The following JAZF1 variants were observed in gnomAD, a reference collection of about 807,000 sequenced individuals.
JAZF1 encodes juxtaposed with another zinc finger protein 1.
In JAZF1, 8 loss-of-function variants were observed where a neutral mutation model predicts 26.4. The ratio of observed to expected loss-of-function variants is 0.30; its 90% confidence interval spans 0.18 to 0.55. The LOEUF is 0.55. Among genes scored for constraint, JAZF1 ranks in the 20% least tolerant of loss-of-function variants. The pLI, the probability that JAZF1 is intolerant of heterozygous loss-of-function variation, is 0.94. For synonymous variants in JAZF1, 126 were observed against 122.3 expected (o/e 1.03, Z -0.20); for missense variants, 199 against 322.0 (o/e 0.62, Z 2.92).
At chr7:28,137,044 T>C (rs1782896798) in intron 1 of JAZF1, among the ~76,000 whole-genome samples, 1 of 152,156 alleles carries the variant, frequency 6.6e-6, no homozygotes, top group Non-Finnish European at 1.5e-5. Flanking sequence ...CCCAACAAGC[T>C]AGGCATCCTG....
intron 2 of JAZF1, among the ~76,000 whole-genome samples, chr7:27,972,950 T>TAC (rs1230213599): frequency 3.1e-5 from 4 of 130,098 alleles, no homozygotes; most frequent in Admixed American, 8.0e-5. Context: ...TGTGTGTATA[T>TAC]ATACACACAC....
At chr7:27,976,767 A>C (rs1357830507) in intron 2 of JAZF1, among the ~76,000 whole-genome samples, 1 of 152,226 alleles carries the variant, frequency 6.6e-6, no homozygotes, top group Non-Finnish European at 1.5e-5. Flanking sequence ...TGTATTAAAA[A>C]AATAGAAGGC....
chr7:28,052,884 G>T (rs147463652), intron 1 of JAZF1, among the ~76,000 whole-genome samples: 1 of 151,630 alleles, frequency 6.6e-6, no homozygotes, highest in Non-Finnish European at 1.5e-5. Flanking sequence ...CCACTTTTAA[G>T]TATATAGTTC....
intron 2 of JAZF1, among the ~76,000 whole-genome samples, chr7:27,909,482 G>A (rs1215838387): frequency 8.6e-5 from 13 of 151,990 alleles, no homozygotes; most frequent in Non-Finnish European, 1.6e-4. Flanking sequence ...CAAGGCGGGC[G>A]GATCACCTGA....
At chr7:27,951,480 C>A (rs1163879854) in intron 2 of JAZF1, among the ~76,000 whole-genome samples, 1 of 152,126 alleles carries the variant, frequency 6.6e-6, no homozygotes, top group African/African-American at 2.4e-5. Context: ...AAAGCATAAG[C>A]CTTATGGTTA....
chr7:27,929,998 T>C (rs13222230), intron 2 of JAZF1, among the ~76,000 whole-genome samples: 4 of 145,064 alleles, frequency 2.8e-5, no homozygotes, highest in Non-Finnish European at 4.5e-5. Flanking sequence ...CTCTCTCTCT[T>C]TCTTTCTTTC....
intron 1 of JAZF1, among the ~76,000 whole-genome samples, chr7:28,139,067 G>GT (rs1782926336): frequency 6.6e-6 from 1 of 152,180 alleles, no homozygotes; most frequent in South Asian, 2.1e-4. Context: ...GGTACTAGTT[G>GT]TTTTGCTTCA....
chr7:28,001,845 T>C (rs1239957959), intron 1 of JAZF1, among the ~76,000 whole-genome samples: 1 of 152,078 alleles, frequency 6.6e-6, no homozygotes, highest in South Asian at 2.1e-4. Flanking sequence ...TGTAGAAATA[T>C]AAGATTCGAT....
At chr7:28,001,853 G>A (rs1232131386) in intron 1 of JAZF1, among the ~76,000 whole-genome samples, 7 of 152,054 alleles carry the variant, frequency 4.6e-5, no homozygotes, top group Non-Finnish European at 1.0e-4. Flanking sequence ...TATAAGATTC[G>A]ATGAAAAAGA....
At chr7:28,056,061 TG>T (rs1783702150) in intron 1 of JAZF1, among the ~76,000 whole-genome samples, 1 of 152,130 alleles carries the variant, frequency 6.6e-6, no homozygotes, top group African/African-American at 2.4e-5. Flanking sequence ...ACAGAGACAG[TG>T]TCTTACCCAC....
chr7:28,081,606 C>T (rs1169793899), intron 1 of JAZF1, among the ~76,000 whole-genome samples: 4 of 152,136 alleles, frequency 2.6e-5, no homozygotes, highest in Non-Finnish European at 5.9e-5. Flanking sequence ...GGCATTGTAG[C>T]GGCCTCTGCT....
intron 1 of JAZF1, among the ~76,000 whole-genome samples, chr7:28,038,993 T>C (rs905776873): frequency 2.6e-5 from 4 of 152,212 alleles, no homozygotes; most frequent in African/African-American, 9.6e-5. Flanking sequence ...TCTACAACTT[T>C]AATGCTTAGC....
At chr7:27,980,464 C>T (rs1454930590) in intron 2 of JAZF1, among the ~76,000 whole-genome samples, 1 of 151,974 alleles carries the variant, frequency 6.6e-6, no homozygotes, top group Non-Finnish European at 1.5e-5. Context: ...ATAAAGGCAA[C>T]AATTTTTACT....
chr7:28,153,521 A>T (rs953707187), intron 1 of JAZF1, among the ~76,000 whole-genome samples: 1 of 152,178 alleles, frequency 6.6e-6, no homozygotes, highest in African/African-American at 2.4e-5. Context: ...GTTCTAGATG[A>T]CGATACCAGG....
intron 3 of JAZF1, among the ~76,000 whole-genome samples, chr7:27,858,939 G>A (rs956066889): frequency 6.6e-6 from 1 of 152,104 alleles, no homozygotes; most frequent in African/African-American, 2.4e-5. Flanking sequence ...AGAGTGAACA[G>A]GAAACCTACA....
chr7:28,042,565 G>C (rs1783411480), intron 1 of JAZF1, among the ~76,000 whole-genome samples: 1 of 152,194 alleles, frequency 6.6e-6, no homozygotes, highest in African/African-American at 2.4e-5. Flanking sequence ...TGCTTGGCAG[G>C]AGGGATTGTT....
chr7:27,979,561 T>G (rs2128361774), intron 2 of JAZF1, among the ~76,000 whole-genome samples: 1 of 152,066 alleles, frequency 6.6e-6, no homozygotes, highest in South Asian at 2.1e-4. Context: ...GGATCATATC[T>G]TTAAGTTATG....
At chr7:27,942,764 A>G (rs1784868590) in intron 2 of JAZF1, among the ~76,000 whole-genome samples, 1 of 152,138 alleles carries the variant, frequency 6.6e-6, no homozygotes, top group Non-Finnish European at 1.5e-5. Flanking sequence ...TGTTCCCCAC[A>G]CCGTTATGTG....
chr7:27,906,003 A>C (rs962972719), intron 2 of JAZF1, among the ~76,000 whole-genome samples: 1 of 152,242 alleles, frequency 6.6e-6, no homozygotes, highest in Non-Finnish European at 1.5e-5. Flanking sequence ...CTCTAGATGC[A>C]AATTTTTAAA....
Sources: gnomAD v4.1 joint callset for allele counts (sites outside exome capture counted in the v4.1 genomes callset) on GRCh38, gnomAD v4.1.1 for gene constraint, MANE v1.5 for transcripts, NCBI Gene and HGNC (gene_info 2026-07-23, HGNC 2026-07-21) for gene names.